APPBP2: variants seen among roughly 807,000 people sequenced by gnomAD.
APPBP2 encodes the protein amyloid beta precursor protein binding protein 2, also known as amyloid protein-binding protein 2.
In APPBP2, 15 loss-of-function variants were observed where a neutral mutation model predicts 76.0. That is an observed-to-expected ratio of 0.20 (90% CI 0.13 to 0.30). The LOEUF is 0.30. Ranked by LOEUF, APPBP2 falls within the 10% of genes least tolerant of loss-of-function variation. APPBP2 has a pLI of 1.00. For missense variants in APPBP2, 401 were observed against 687.2 expected, an observed-to-expected ratio of 0.58 and a Z score of 4.66; for synonymous variants, 222 against 242.2, an observed-to-expected ratio of 0.92 and a Z score of 0.77.
At chr17:60,500,532 T>C in intron 1 of APPBP2, 45 bp from the exon 2 acceptor site, 2 of 1,284,314 alleles carry the variant, frequency 1.6e-6, no homozygotes, top group Non-Finnish European at 2.2e-6. Flanking sequence ...AATTTAATTC[T>C]TCTTTTTACT....
chr17:60,457,585 C>A (rs1434021391), intron 9 of APPBP2, among the ~76,000 whole-genome samples: 1 of 151,936 alleles, frequency 6.6e-6, no homozygotes, highest in Non-Finnish European at 1.5e-5. Context: ...ACTGCCATGC[C>A]CAACTAATTT....
chr17:60,508,378 G>A (rs1471927648), intron 1 of APPBP2, among the ~76,000 whole-genome samples: 3 of 151,932 alleles, frequency 2.0e-5, no homozygotes, highest in Admixed American at 2.0e-4. Context: ...GACACAGAAA[G>A]GCTGGATATA....
intron 2 of APPBP2, chr17:60,496,534 TCTTTA>T (rs2090776778): frequency 6.6e-6 from 1 of 152,200 alleles, no homozygotes; most frequent in Admixed American, 6.5e-5. Context: ...AGCTATCCTT[TCTTTA>T]GAGTAAGGAA....
chr17:60,488,954 G>A (rs2090703478), intron 3 of APPBP2, among the ~76,000 whole-genome samples: 1 of 152,158 alleles, frequency 6.6e-6, no homozygotes, highest in African/African-American at 2.4e-5. Context: ...CAGGCACGGT[G>A]GCTCATGCCT....
At chr17:60,447,931 G>C (rs1454526287) in intron 12 of APPBP2, 97 bp from the exon 13 acceptor site, 2 of 1,166,490 alleles carry the variant, frequency 1.7e-6, no homozygotes, top group African/African-American at 1.6e-5. Context: ...CTTTAAACAG[G>C]GTGGCTTAGG....
intron 11 of APPBP2, among the ~76,000 whole-genome samples, chr17:60,452,817 C>T (rs1195768697): frequency 6.6e-6 from 1 of 152,120 alleles, no homozygotes; most frequent in Non-Finnish European, 1.5e-5. Context: ...CCTGTATTCC[C>T]AGCTACTTGG....
At position 60,526,150 on chromosome 17, in the gene APPBP2, G is replaced by T. The variant is rs755411829; in HGVS notation, c.-219C>A. 4.3e-5 allele frequency: 24 copies of T among 553,304 alleles called. No individual in the cohort carries two copies. Among genetic ancestry groups the T allele is most frequent in the Admixed American group, 6.3e-5 (2 of 31,910 alleles). 34.3% of individuals were successfully genotyped at this position (553,304 alleles called of 1,614,324 possible). ...AGTAAAAAGTGGGACAGAAAACAGC[G>T]GCCAGCCAGGCCAAAAGCGTCACAA... On this transcript the variant is annotated 5_prime_UTR_variant, in exon 1 of 13. Transcript: ENST00000083182.
At chr17:60,448,653 G>A (rs1427633421) in intron 12 of APPBP2, among the ~76,000 whole-genome samples, 1 of 152,192 alleles carries the variant, frequency 6.6e-6, no homozygotes, top group East Asian at 1.9e-4. Context: ...TCTCTGTAAC[G>A]GTTACGGAGT....
At chr17:60,490,562 G>A (rs1002323608) in intron 3 of APPBP2, among the ~76,000 whole-genome samples, 2 of 152,092 alleles carry the variant, frequency 1.3e-5, no homozygotes, top group African/African-American at 2.4e-5. Context: ...CTAGCTACTC[G>A]GGAAGCTGAA....
At chr17:60,515,259 G>A (rs1051764502) in intron 1 of APPBP2, among the ~76,000 whole-genome samples, 6 of 151,570 alleles carry the variant, frequency 4.0e-5, no homozygotes, top group African/African-American at 1.2e-4. Flanking sequence ...GGGATTATAG[G>A]CACCAGCCAC....
intron 2 of APPBP2, among the ~76,000 whole-genome samples, chr17:60,495,810 T>C (rs952323305): frequency 6.6e-6 from 1 of 152,148 alleles, no homozygotes; most frequent in Non-Finnish European, 1.5e-5. Context: ...ATTGAGACTA[T>C]ATACACACAA....
At chr17:60,499,174 TA>T (rs529464970) in intron 2 of APPBP2, among the ~76,000 whole-genome samples, 351 of 139,324 alleles carry the variant, frequency 2.5e-3, no homozygotes, top group African/African-American at 9.1e-3. Context: ...CTACTAAAAA[TA>T]AAAAAATTAG....
At chr17:60,470,312 G>A (rs1049459069) in intron 4 of APPBP2, among the ~76,000 whole-genome samples, 1 of 152,106 alleles carries the variant, frequency 6.6e-6, no homozygotes, top group Non-Finnish European at 1.5e-5. Flanking sequence ...CCAGGCTGGA[G>A]TGCAGTTGCA....
rs374484763 is a variant in APPBP2, at chr17:60,525,844, G to C, written c.88C>G (p.Arg30Gly). 1 of 1,614,028 alleles carries C rather than the reference G, an allele frequency of 6.2e-7. No individual in the cohort carries two copies. The highest frequency in any genetic ancestry group is 8.5e-7 in the Non-Finnish European group (1 of 1,179,986). The change falls in exon 1 of 13, where the codon CGA becomes GGA. Residue 30 changes from arginine to glycine, a missense_variant. By Grantham distance (125) the Arg-to-Gly change is moderately radical (BLOSUM62 -2). Transcript: ENST00000083182. Reference sequence around the variant, plus strand: ...TTCTCGGGCAAGGAGCGGATGTCTCGGCGGGAGCGGATGTAGTTGTCCACG... The same window carrying C: ...TTCTCGGGCAAGGAGCGGATGTCTCCGCGGGAGCGGATGTAGTTGTCCACG... ...AVVDNYIRSR[R>G]DIRSLPENIQ...
chr17:60,446,906 T>C lies in APPBP2; in HGVS notation c.*675A>G, dbSNP rs1406787424. On this transcript the variant is annotated 3_prime_UTR_variant, in exon 13 of 13. Transcript: ENST00000083182. The stretch of plus-strand genomic sequence containing the variant: ...TGTTAGCAAATGCTATCAGAGCATC[T>C]TGCATTGTTGTACCAAAAAAAAAAA... The C allele has an allele frequency of 1.3e-5, 2 of 152,332 alleles. No individual in the cohort carries two copies. The highest frequency in any genetic ancestry group is 4.8e-5 in the African/African-American group (2 of 41,326). The allele number at this position is 152,332 out of a possible 1,614,324, so 9.4% of individuals were successfully genotyped here.
intron 3 of APPBP2, among the ~76,000 whole-genome samples, chr17:60,488,597 C>A (rs1481977450): frequency 6.6e-6 from 1 of 152,040 alleles, no homozygotes; most frequent in Admixed American, 6.6e-5. Flanking sequence ...CTGCAAAACT[C>A]TTCTGGTATG....
At chr17:60,490,447 A>G (rs1460407681) in intron 3 of APPBP2, among the ~76,000 whole-genome samples, 1 of 152,176 alleles carries the variant, frequency 6.6e-6, no homozygotes, top group Non-Finnish European at 1.5e-5. Flanking sequence ...TAGTTTGGGA[A>G]GAATGCTTGA....
intron 1 of APPBP2, among the ~76,000 whole-genome samples, chr17:60,523,493 T>C (rs1243046712): frequency 1.3e-5 from 2 of 151,932 alleles, no homozygotes; most frequent in East Asian, 3.9e-4. Flanking sequence ...AGATCCTGTC[T>C]CCACAAAAAA....
At chr17:60,507,958 G>T (rs2090881865) in intron 1 of APPBP2, among the ~76,000 whole-genome samples, 1 of 150,292 alleles carries the variant, frequency 6.7e-6, no homozygotes, top group Admixed American at 6.6e-5. Flanking sequence ...CAGCCAAGTT[G>T]TTTCTTTTTT....
Sources: gnomAD v4.1 joint callset for allele counts (sites outside exome capture counted in the v4.1 genomes callset) on GRCh38, gnomAD v4.1.1 for gene constraint, MANE v1.5 for transcripts, NCBI Gene and HGNC (gene_info 2026-07-23, HGNC 2026-07-21) for gene names.